PTPRM: variants seen among roughly 807,000 people sequenced by gnomAD.
PTPRM encodes the protein receptor-type tyrosine-protein phosphatase mu.
A neutral mutation model predicts 186.7 loss-of-function variants in PTPRM; 47 were observed. The ratio of observed to expected loss-of-function variants is 0.25; its 90% CI spans 0.20 to 0.32. PTPRM has a LOEUF of 0.32. PTPRM is among the 10% of genes least tolerant of loss of function. The pLI is 1.00. For synonymous variants in PTPRM, 668 were observed against 674.9 expected (o/e 0.99, Z 0.16); for missense variants, 1,494 against 1,865.0 (o/e 0.80, Z 3.66).
chr18:8,389,736 A>G (rs55771500), intron 31 of PTPRM, among the ~76,000 whole-genome samples: 3,808 of 152,232 alleles, frequency 0.025, 59 homozygotes, highest in South Asian at 0.031. Context: ...GTTAGTTTAC[A>G]TTGGCATCCC....
At chr18:7,980,711 C>T (rs912347306) in intron 7 of PTPRM, among the ~76,000 whole-genome samples, 4 of 152,190 alleles carry the variant, frequency 2.6e-5, no homozygotes, top group African/African-American at 9.7e-5. Flanking sequence ...AATGCACATT[C>T]AGTCCTACCA....
At chr18:8,143,862 C>G in intron 14 of PTPRM, 83 bp downstream of exon 14, 3 of 1,520,302 alleles carry the variant, frequency 2.0e-6, no homozygotes, top group Non-Finnish European at 2.7e-6. Flanking sequence ...TTCTCAGTTA[C>G]TGAACTGGCT....
chr18:7,818,974 T>C (rs2045011993), intron 2 of PTPRM, among the ~76,000 whole-genome samples: 1 of 152,196 alleles, frequency 6.6e-6, no homozygotes, highest in East Asian at 1.9e-4. Flanking sequence ...TTTTTAAGGT[T>C]AGGCTTGAGG....
intron 1 of PTPRM, among the ~76,000 whole-genome samples, chr18:7,640,434 TA>T (rs1222564470): frequency 6.6e-6 from 1 of 152,182 alleles, no homozygotes; most frequent in Non-Finnish European, 1.5e-5. Context: ...GGTCATTGTG[TA>T]TTAGGATGCT....
chr18:8,377,169 C>G (rs547858133), intron 26 of PTPRM: 1 of 152,258 alleles, frequency 6.6e-6, no homozygotes, highest in African/African-American at 2.4e-5. Context: ...ACATCCTGCT[C>G]TTAGGACATT....
intron 1 of PTPRM, among the ~76,000 whole-genome samples, chr18:7,605,320 A>G (rs917022858): frequency 6.6e-6 from 1 of 152,168 alleles, no homozygotes; most frequent in Non-Finnish European, 1.5e-5. Context: ...AAATATTGTG[A>G]AGCAGAAAGG....
At chr18:7,585,151 G>A (rs1323921093) in intron 1 of PTPRM, among the ~76,000 whole-genome samples, 1 of 152,256 alleles carries the variant, frequency 6.6e-6, no homozygotes, top group Non-Finnish European at 1.5e-5. Context: ...TAGGAGGTTT[G>A]CAGTTAGACA....
Position 7,921,420 on chromosome 18 carries a change from G to A in PTPRM, c.548-5148G>A, listed in dbSNP as rs544544675. On this transcript the variant is annotated intron_variant, in intron 4 of 32. Transcript: ENST00000580170. ...TTTTGAGACAGAGTCTTGCTCTGTC[G>A]CCCAGGCTGGAGTGCAGTGGCGCAA... 1.2e-4 allele frequency among the ~76,000 whole-genome samples: 17 copies of A among 144,910 alleles called. No homozygotes were observed. The South Asian group carries it at 2.0e-3, about 17-fold the overall frequency.
chr18:7,600,757 G>T (rs1461958162), intron 1 of PTPRM, among the ~76,000 whole-genome samples: 2 of 152,186 alleles, frequency 1.3e-5, no homozygotes, highest in Non-Finnish European at 2.9e-5. Context: ...CTTGCTGCCT[G>T]CACCGGTAAG....
At chr18:7,622,529 T>C (rs1361114156) in intron 1 of PTPRM, among the ~76,000 whole-genome samples, 1 of 152,048 alleles carries the variant, frequency 6.6e-6, no homozygotes, top group Non-Finnish European at 1.5e-5. Context: ...TGTAAACAAT[T>C]AGAAGGAAGG....
chr18:7,806,933 C>T (rs1729068878), intron 2 of PTPRM, among the ~76,000 whole-genome samples: 1 of 152,202 alleles, frequency 6.6e-6, no homozygotes, highest in Non-Finnish European at 1.5e-5. Flanking sequence ...TTTTCCCTGA[C>T]TGCATTGTGT....
rs187457505 is a variant in PTPRM at position 8,398,897 on chromosome 18, G to T, written c.4344+4286G>T. On this transcript the variant is annotated intron_variant, in intron 32 of 32. Coordinates refer to ENST00000580170, the MANE Select transcript of PTPRM (RefSeq NM_001105244.2). Reference sequence around the variant, plus strand: ...GTAGAGTAGTGGCTGCTGAGGGCTGGGGGAGGGAGATGGGGGTGACTGCTG... The same window carrying T: ...GTAGAGTAGTGGCTGCTGAGGGCTGTGGGAGGGAGATGGGGGTGACTGCTG... 6.1e-3 allele frequency among the ~76,000 whole-genome samples: 926 copies of T among 152,266 alleles called. 8 individuals are homozygous for T. The highest frequency in any genetic ancestry group is 9.4e-3 in the Non-Finnish European group (641 of 68,018).
chr18:7,890,660 T>A (rs936935305), intron 3 of PTPRM, among the ~76,000 whole-genome samples: 11 of 152,318 alleles, frequency 7.2e-5, no homozygotes, highest in Middle Eastern at 6.8e-3. Context: ...AGCAGTCCAC[T>A]ATTAGGAATT....
chr18:8,276,654 A>G (rs939794938), intron 19 of PTPRM, among the ~76,000 whole-genome samples: 1 of 152,180 alleles, frequency 6.6e-6, no homozygotes, highest in Non-Finnish European at 1.5e-5. Flanking sequence ...GCTCCATCTC[A>G]TATCTGTGTC....
At chr18:7,796,337 G>A (rs1226848992) in intron 2 of PTPRM, among the ~76,000 whole-genome samples, 1 of 152,088 alleles carries the variant, frequency 6.6e-6, no homozygotes, top group African/African-American at 2.4e-5. Context: ...TGAATTTTGA[G>A]GAAAAGAAAC....
At chr18:7,603,921 T>A (rs1308497609) in intron 1 of PTPRM, among the ~76,000 whole-genome samples, 2 of 152,226 alleles carry the variant, frequency 1.3e-5, no homozygotes, top group African/African-American at 4.8e-5. Context: ...TATAGTAACA[T>A]CGGGGGCTTG....
chr18:8,117,829 T>C (rs1265972278), intron 13 of PTPRM, among the ~76,000 whole-genome samples: 1 of 152,220 alleles, frequency 6.6e-6, no homozygotes. Flanking sequence ...TTGTTTTTAA[T>C]TGTATAGTGG....
At chr18:7,661,114 AATG>A (rs1224344038) in intron 1 of PTPRM, among the ~76,000 whole-genome samples, 1 of 152,214 alleles carries the variant, frequency 6.6e-6, no homozygotes, top group Non-Finnish European at 1.5e-5. Context: ...CACAGGGAAA[AATG>A]ATGAAGAGGC....
chr18:8,397,089 T>C (rs369662835), intron 32 of PTPRM, among the ~76,000 whole-genome samples: 82 of 152,350 alleles, frequency 5.4e-4, no homozygotes, highest in African/African-American at 1.9e-3. Context: ...GTACTGAGTC[T>C]ACTTAGCCGC....
Sources: allele counts gnomAD v4.1 joint callset (sites outside exome capture counted in the v4.1 genomes callset), GRCh38; gene constraint gnomAD v4.1.1; transcripts MANE v1.5; gene names NCBI Gene and HGNC (gene_info 2026-07-23, HGNC 2026-07-21).